Variants in ADARB2 observed in about 807,000 individuals in gnomAD.
The protein encoded by ADARB2 is adenosine deaminase RNA specific B2 (inactive).
A neutral mutation model predicts 62.2 loss-of-function variants in ADARB2; 25 were observed. The ratio of observed to expected loss-of-function variants is 0.40; its 90% CI spans 0.29 to 0.56. The LOEUF is 0.56. Among genes scored for constraint, ADARB2 ranks in the 20% least tolerant of loss-of-function variants. The pLI is 0.43. For synonymous variants in ADARB2, 572 were observed against 500.8 expected, an observed-to-expected ratio of 1.14 and a Z score of -1.90; for missense variants, 1,071 against 1,077.4, an observed-to-expected ratio of 0.99 and a Z score of 0.08.
rs550838405 is a variant in ADARB2, at chr10:1,693,808, A to G, written c.100+43243T>C. Reference sequence around the variant, plus strand: ...AATTTCTATGGTAGTTATATTGAGGAAACATAAGAAAAATAATGATTTATT... The same window carrying G: ...AATTTCTATGGTAGTTATATTGAGGGAACATAAGAAAAATAATGATTTATT... On this transcript the variant is annotated intron_variant, in intron 1 of 9. Coordinates refer to ENST00000381312, the MANE Select transcript of ADARB2 (RefSeq NM_018702.4). 1.2e-4 allele frequency among the ~76,000 whole-genome samples: 18 copies of G among 152,344 alleles called. No individual in the cohort carries two copies. The East Asian group carries it at 3.5e-3, about 29-fold the overall frequency.
chr10:1,308,692 G>A (rs933015398), intron 3 of ADARB2, among the ~76,000 whole-genome samples: 1 of 152,160 alleles, frequency 6.6e-6, no homozygotes, highest in African/African-American at 2.4e-5. Flanking sequence ...TTTTGGTACT[G>A]GTATCTTAGC....
intron 1 of ADARB2, among the ~76,000 whole-genome samples, chr10:1,705,300 G>A (rs374390545): frequency 2.0e-4 from 31 of 152,254 alleles, no homozygotes; most frequent in Admixed American, 3.3e-4. Context: ...ACTCTATGCC[G>A]GTTTTGTGGC....
chr10:1,736,940 C>T (rs1270568057), intron 1 of ADARB2, 111 bp downstream of exon 1: 2 of 1,120,144 alleles, frequency 1.8e-6, no homozygotes, highest in Non-Finnish European at 2.6e-6. Context: ...CCCGCCAGCA[C>T]CCCAAAGTGA....
chr10:1,528,916 C>A (rs1049752488), intron 1 of ADARB2, among the ~76,000 whole-genome samples: 3 of 152,074 alleles, frequency 2.0e-5, no homozygotes, highest in Non-Finnish European at 4.4e-5. Flanking sequence ...ACTCGTCCTG[C>A]CCCTGTGGTC....
At chr10:1,710,599 T>C (rs1834939057) in intron 1 of ADARB2, among the ~76,000 whole-genome samples, 1 of 152,184 alleles carries the variant, frequency 6.6e-6, no homozygotes, top group Non-Finnish European at 1.5e-5. Context: ...GGGCAGGGGA[T>C]AGATGAGGCT....
intron 6 of ADARB2, among the ~76,000 whole-genome samples, chr10:1,232,749 TGTG>T (rs1830820841): frequency 6.6e-6 from 1 of 151,314 alleles, no homozygotes; most frequent in Admixed American, 6.6e-5. Flanking sequence ...GAGTAGTGTA[TGTG>T]GTATGTGGTG....
intron 1 of ADARB2, among the ~76,000 whole-genome samples, chr10:1,441,895 A>G (rs1830910840): frequency 6.6e-6 from 1 of 152,222 alleles, no homozygotes; most frequent in Non-Finnish European, 1.5e-5. Flanking sequence ...GGAAATAAAT[A>G]TTCATTTGAT....
chr10:1,412,415 A>T (rs533374703), intron 1 of ADARB2, among the ~76,000 whole-genome samples: 4 of 152,138 alleles, frequency 2.6e-5, no homozygotes, highest in African/African-American at 9.7e-5. Flanking sequence ...CCATGTTTAA[A>T]TGAAACCTGG....
chr10:1,409,098 C>T (rs554387289), intron 1 of ADARB2, among the ~76,000 whole-genome samples: 1 of 152,330 alleles, frequency 6.6e-6, no homozygotes, highest in East Asian at 1.9e-4. Flanking sequence ...GACCCTTGGA[C>T]ATGCTCTGTT....
intron 8 of ADARB2, among the ~76,000 whole-genome samples, chr10:1,191,333 G>T (rs1242274116): frequency 1.3e-5 from 2 of 152,238 alleles, no homozygotes; most frequent in Non-Finnish European, 2.9e-5. Flanking sequence ...GATGCACGGG[G>T]CACCCGGCAC....
chr10:1,271,241 G>A (rs962465481), intron 3 of ADARB2, among the ~76,000 whole-genome samples, 172 bp from the exon 4 acceptor site: 2 of 152,094 alleles, frequency 1.3e-5, no homozygotes, highest in African/African-American at 4.8e-5. Context: ...GCCTCTCCCT[G>A]GCTGTGCCCC....
intron 1 of ADARB2, among the ~76,000 whole-genome samples, chr10:1,694,323 T>C (rs1353441028): frequency 6.6e-6 from 1 of 152,256 alleles, no homozygotes; most frequent in Non-Finnish European, 1.5e-5. Flanking sequence ...ATTGGAGTAA[T>C]GTGCTATTTA....
intron 1 of ADARB2, among the ~76,000 whole-genome samples, chr10:1,566,003 G>C (rs1022409528): frequency 1.4e-5 from 2 of 141,996 alleles, no homozygotes; most frequent in Non-Finnish European, 3.0e-5. Context: ...GAAGGACAGA[G>C]TTAAAAGATC....
chr10:1,354,222 G>A (rs781012965), intron 3 of ADARB2, among the ~76,000 whole-genome samples: 1 of 152,114 alleles, frequency 6.6e-6, no homozygotes, highest in Non-Finnish European at 1.5e-5. Flanking sequence ...AGACAGGAAT[G>A]TCAGGCCTCT....
At chr10:1,360,131 G>T (rs1246275155) in intron 3 of ADARB2, among the ~76,000 whole-genome samples, 1 of 152,156 alleles carries the variant, frequency 6.6e-6, no homozygotes, top group African/African-American at 2.4e-5. Context: ...GTGAGCCTGG[G>T]ACTGTGGGCA....
chr10:1,222,577 T>G (rs1244039211), intron 6 of ADARB2, among the ~76,000 whole-genome samples: 2 of 149,176 alleles, frequency 1.3e-5, no homozygotes, highest in African/African-American at 5.2e-5. Flanking sequence ...TAATCCATCT[T>G]GAATTAATTT....
chr10:1,510,156 CTTTCTT>C (rs1554767658), intron 1 of ADARB2, among the ~76,000 whole-genome samples: 43 of 109,164 alleles, frequency 3.9e-4, no homozygotes, highest in African/African-American at 1.6e-3. Flanking sequence ...TTCTTTCTTT[CTTTCTT>C]TCTTTCTTTT....
intron 1 of ADARB2, among the ~76,000 whole-genome samples, chr10:1,607,715 C>T (rs1833512569): frequency 6.6e-6 from 1 of 152,210 alleles, no homozygotes; most frequent in African/African-American, 2.4e-5. Context: ...TGACTCCAGG[C>T]AGGGGACGTC....
chr10:1,559,726 AT>A (rs1245724628), intron 1 of ADARB2, among the ~76,000 whole-genome samples: 7 of 152,198 alleles, frequency 4.6e-5, no homozygotes, highest in Non-Finnish European at 7.3e-5. Flanking sequence ...TTGACTGATG[AT>A]TTTACACATT....
Sources: allele counts gnomAD v4.1 joint callset (sites outside exome capture counted in the v4.1 genomes callset), GRCh38; gene constraint gnomAD v4.1.1; transcripts MANE v1.5; gene names NCBI Gene and HGNC (gene_info 2026-07-23, HGNC 2026-07-21).